SKAP1: variants seen among roughly 807,000 people sequenced by gnomAD.
SKAP1 encodes src kinase-associated phosphoprotein 1.
A neutral mutation model predicts 58.5 loss-of-function variants in SKAP1; 44 were observed. The observed-to-expected ratio is 0.75, with a 90% CI of 0.59 to 0.97. The LOEUF is 0.97. SKAP1 is among the 50% of genes least tolerant of loss of function. SKAP1 has a pLI of 0.00. For missense variants in SKAP1, 390 were observed against 435.2 expected, an observed-to-expected ratio of 0.90 and a Z score of 0.92; for synonymous variants, 127 against 149.7, an observed-to-expected ratio of 0.85 and a Z score of 1.11.
At chr17:48,296,666 C>T (rs1193201530) in intron 4 of SKAP1, among the ~76,000 whole-genome samples, 2 of 152,150 alleles carry the variant, frequency 1.3e-5, no homozygotes, top group South Asian at 2.1e-4. Context: ...GAAAGATTTA[C>T]GTGAGCAGCT....
At chr17:48,187,786 T>A in intron 6 of SKAP1, 57 bp downstream of exon 6, 3 of 1,240,042 alleles carry the variant, frequency 2.4e-6, no homozygotes, top group Non-Finnish European at 3.5e-6. Flanking sequence ...GCTTGAGAAT[T>A]TACGAAGTGT....
intron 4 of SKAP1, among the ~76,000 whole-genome samples, chr17:48,248,309 G>A (rs1455983934): frequency 6.6e-6 from 1 of 152,176 alleles, no homozygotes; most frequent in African/African-American, 2.4e-5. Context: ...GCTCATGCTT[G>A]TAATCCTAGG....
chr17:48,410,587 A>AAC (rs202053301), intron 1 of SKAP1, among the ~76,000 whole-genome samples: 4 of 151,676 alleles, frequency 2.6e-5, no homozygotes, highest in African/African-American at 4.8e-5. Context: ...AAGTGCTGAA[A>AAC]ACACACACAC....
At chr17:48,271,833 C>G (rs1196942263) in intron 4 of SKAP1, among the ~76,000 whole-genome samples, 1 of 152,186 alleles carries the variant, frequency 6.6e-6, no homozygotes, top group Non-Finnish European at 1.5e-5. Flanking sequence ...GATTCTGATA[C>G]ATGCCTCCCA....
At chr17:48,300,867 T>C (rs938705620) in intron 4 of SKAP1, among the ~76,000 whole-genome samples, 4 of 152,194 alleles carry the variant, frequency 2.6e-5, no homozygotes, top group African/African-American at 9.7e-5. Flanking sequence ...TGCCTTCTCC[T>C]CCCTTCAAGT....
intron 4 of SKAP1, among the ~76,000 whole-genome samples, chr17:48,293,459 C>T (rs905763077): frequency 1.4e-4 from 22 of 152,114 alleles, no homozygotes; most frequent in African/African-American, 5.3e-4. Flanking sequence ...ACCTAAATGC[C>T]TATAAATTGA....
intron 4 of SKAP1, among the ~76,000 whole-genome samples, chr17:48,279,347 A>C (rs1208508153): frequency 6.6e-6 from 1 of 152,230 alleles, no homozygotes; most frequent in African/African-American, 2.4e-5. Flanking sequence ...TTAATAAAAC[A>C]AGGATTCCTG....
chr17:48,278,472 G>A (rs182148142), intron 4 of SKAP1, among the ~76,000 whole-genome samples: 197 of 152,248 alleles, frequency 1.3e-3, no homozygotes, highest in Non-Finnish European at 1.0e-3. Context: ...ACAGTTCAAC[G>A]AGAGTGGAGA....
intron 4 of SKAP1, among the ~76,000 whole-genome samples, chr17:48,202,041 T>C (rs1261361811): frequency 6.6e-6 from 1 of 152,214 alleles, no homozygotes; most frequent in Non-Finnish European, 1.5e-5. Flanking sequence ...CATTTAATAC[T>C]GTTAATGGTG....
At chr17:48,231,178 C>A (rs961020431) in intron 4 of SKAP1, among the ~76,000 whole-genome samples, 1 of 152,138 alleles carries the variant, frequency 6.6e-6, no homozygotes, top group Non-Finnish European at 1.5e-5. Flanking sequence ...ACCTCTAGAG[C>A]CTTGCCCCTG....
intron 4 of SKAP1, among the ~76,000 whole-genome samples, chr17:48,274,632 G>A (rs190149179): frequency 1.3e-5 from 2 of 152,052 alleles, no homozygotes; most frequent in East Asian, 3.9e-4. Flanking sequence ...GGAGGTGGAG[G>A]TTGCGGTGAG....
chr17:48,373,912 G>A (rs933355106), intron 2 of SKAP1, among the ~76,000 whole-genome samples: 1 of 152,140 alleles, frequency 6.6e-6, no homozygotes, highest in African/African-American at 2.4e-5. Context: ...AGTATTAAAA[G>A]TGTTATTTTA....
intron 6 of SKAP1, 59 bp from the exon 7 acceptor site, chr17:48,184,906 T>C (rs1045597824): frequency 1.9e-6 from 3 of 1,544,110 alleles, no homozygotes; most frequent in Non-Finnish European, 1.8e-6. Context: ...AGGGAAGGCA[T>C]CCTCTCTGGT....
chr17:48,257,372 C>T (rs2065434822), intron 4 of SKAP1, among the ~76,000 whole-genome samples: 2 of 152,044 alleles, frequency 1.3e-5, no homozygotes, highest in Non-Finnish European at 2.9e-5. Flanking sequence ...AGCCAGTTTA[C>T]TACAAACACA....
At chr17:48,417,359 T>C (rs1267147018) in intron 1 of SKAP1, among the ~76,000 whole-genome samples, 2 of 152,220 alleles carry the variant, frequency 1.3e-5, no homozygotes, top group Non-Finnish European at 2.9e-5. Flanking sequence ...GAGAGTACTT[T>C]AGATCAAGTT....
At chr17:48,192,068 C>T (rs1033572400) in intron 4 of SKAP1, among the ~76,000 whole-genome samples, 1 of 152,000 alleles carries the variant, frequency 6.6e-6, no homozygotes, top group African/African-American at 2.4e-5. Flanking sequence ...GTAGTCCCAG[C>T]TACTTGGAGG....
chr17:48,154,464 A>G (rs1306993278), intron 11 of SKAP1, among the ~76,000 whole-genome samples: 1 of 152,172 alleles, frequency 6.6e-6, no homozygotes, highest in East Asian at 1.9e-4. Context: ...CCGTGTAAGT[A>G]TAAATCTTAT....
chr17:48,401,542 A>T (rs1395790211), intron 1 of SKAP1, among the ~76,000 whole-genome samples: 3 of 152,216 alleles, frequency 2.0e-5, no homozygotes, highest in African/African-American at 7.2e-5. Context: ...TTTTCAACAA[A>T]TGGTGCTGAG....
At chr17:48,263,004 G>T (rs1019032444) in intron 4 of SKAP1, among the ~76,000 whole-genome samples, 5 of 152,126 alleles carry the variant, frequency 3.3e-5, no homozygotes, top group African/African-American at 7.2e-5. Context: ...TATTTCATGT[G>T]CATTTTTTTT....
Sources: allele counts gnomAD v4.1 joint callset (sites outside exome capture counted in the v4.1 genomes callset), GRCh38; gene constraint gnomAD v4.1.1; transcripts MANE v1.5; gene names NCBI Gene and HGNC (gene_info 2026-07-23, HGNC 2026-07-21).